GLIS3: variants seen among roughly 807,000 people sequenced by gnomAD.
GLIS3 encodes the protein zinc finger protein GLIS3.
GLIS3 carries 53 observed loss-of-function variants against 78.6 expected under a neutral mutation model. That is an observed-to-expected ratio of 0.67 (90% CI 0.54 to 0.85). The LOEUF (loss-of-function observed/expected upper bound fraction) is 0.85. Ranked by LOEUF, GLIS3 falls within the 40% of genes least tolerant of loss-of-function variation. GLIS3 has a pLI of 0.00. For synonymous variants in GLIS3, 684 were observed against 509.9 expected (o/e 1.34, Z -4.60); for missense variants, 1,703 against 1,231.1 (o/e 1.38, Z -5.74).
chr9:4,153,163 A>C (rs1413340321), intron 2 of GLIS3, among the ~76,000 whole-genome samples: 1 of 152,318 alleles, frequency 6.6e-6, no homozygotes, highest in African/African-American at 2.4e-5. Context: ...CAGAGAGAAA[A>C]CCACTGAATT....
chr9:4,385,813 AGAAAGAAAG>A, the GLIS3 span, among the ~76,000 whole-genome samples: 33 of 43,738 alleles, frequency 7.5e-4, 4 homozygotes, highest in Admixed American at 7.6e-4. Context: ...AAGAAAGAAA[AGAAAGAAAG>A]AGAAAAGAAA....
chr9:4,102,448 G>A (rs903196275), intron 4 of GLIS3, among the ~76,000 whole-genome samples: 2 of 152,174 alleles, frequency 1.3e-5, no homozygotes, highest in African/African-American at 4.8e-5. Context: ...GTCACTCAGT[G>A]TTTCTCAACC....
At chr9:4,025,668 G>T (rs959484087) in intron 4 of GLIS3, among the ~76,000 whole-genome samples, 2 of 152,162 alleles carry the variant, frequency 1.3e-5, no homozygotes, top group Non-Finnish European at 2.9e-5. Context: ...TTACAGGTGT[G>T]AGCCACTGTG....
intron 2 of GLIS3, among the ~76,000 whole-genome samples, chr9:4,225,727 T>C (rs1821712887): frequency 1.3e-5 from 2 of 152,328 alleles, no homozygotes; most frequent in South Asian, 2.1e-4. Context: ...GTCATTGACA[T>C]TGCTAATGTA....
intron 4 of GLIS3, among the ~76,000 whole-genome samples, chr9:4,020,442 T>C (rs1232217399): frequency 1.3e-5 from 2 of 152,190 alleles, no homozygotes; most frequent in Non-Finnish European, 2.9e-5. Flanking sequence ...CATTGAGTGC[T>C]TGCGTTTACA....
chr9:4,391,864 C>G, the GLIS3 span, among the ~76,000 whole-genome samples: 1 of 152,090 alleles, frequency 6.6e-6, no homozygotes, highest in Admixed American at 6.5e-5. Context: ...GACCTAGAAC[C>G]AGAAATACCA....
chr9:4,223,136 A>T (rs1428427307), intron 2 of GLIS3, among the ~76,000 whole-genome samples: 1 of 152,234 alleles, frequency 6.6e-6, no homozygotes, highest in Non-Finnish European at 1.5e-5. Flanking sequence ...AATCTGGTCC[A>T]AATTTTTCAT....
chr9:4,257,999 A>C (rs1422775826), intron 2 of GLIS3, among the ~76,000 whole-genome samples: 1 of 152,222 alleles, frequency 6.6e-6, no homozygotes, highest in African/African-American at 2.4e-5. Flanking sequence ...CTAATATTAT[A>C]TAAAAAACAC....
At chr9:4,046,453 T>A (rs1181362882) in intron 4 of GLIS3, among the ~76,000 whole-genome samples, 1 of 151,968 alleles carries the variant, frequency 6.6e-6, no homozygotes, top group African/African-American at 2.4e-5. Flanking sequence ...AACAACCCTA[T>A]AAGGAGGGGC....
At chr9:3,991,890 C>T (rs1820321773) in intron 4 of GLIS3, among the ~76,000 whole-genome samples, 1 of 151,958 alleles carries the variant, frequency 6.6e-6, no homozygotes, top group Non-Finnish European at 1.5e-5. Flanking sequence ...CGGGGTTTCA[C>T]CGTATTGGCC....
At chr9:4,241,981 G>A (rs1250883827) in intron 2 of GLIS3, among the ~76,000 whole-genome samples, 1 of 152,144 alleles carries the variant, frequency 6.6e-6, no homozygotes, top group Non-Finnish European at 1.5e-5. Flanking sequence ...ACCGTGCCTG[G>A]CCCCATAGCA....
At chr9:4,240,237 G>C (rs765186078) in intron 2 of GLIS3, among the ~76,000 whole-genome samples, 4 of 151,908 alleles carry the variant, frequency 2.6e-5, no homozygotes, top group Non-Finnish European at 5.9e-5. Flanking sequence ...TTCCACCTCA[G>C]ATCATCAGAC....
the GLIS3 span, among the ~76,000 whole-genome samples, chr9:4,374,543 C>T: frequency 6.6e-6 from 1 of 152,242 alleles, no homozygotes; most frequent in Non-Finnish European, 1.5e-5. Flanking sequence ...CCAGGCAAAG[C>T]TCACACATGG....
intron 2 of GLIS3, among the ~76,000 whole-genome samples, chr9:4,162,664 G>C (rs562306845): frequency 1.3e-5 from 2 of 151,826 alleles, no homozygotes; most frequent in Admixed American, 6.6e-5. Flanking sequence ...AGACCATCCT[G>C]GCTAACACGG....
At chr9:4,306,261 A>AGG (rs79608913) in intron 4 of GLIS3, among the ~76,000 whole-genome samples, 31 of 151,808 alleles carry the variant, frequency 2.0e-4, no homozygotes, top group East Asian at 1.8e-3. Context: ...TTGTAGAGGC[A>AGG]GGGGGGTCTC....
chr9:3,888,523 C>A (rs76303848), intron 7 of GLIS3, among the ~76,000 whole-genome samples: 1 of 152,218 alleles, frequency 6.6e-6, no homozygotes, highest in African/African-American at 2.4e-5. Flanking sequence ...TCTCAAAGAG[C>A]CTCTCCCTTT....
chr9:4,177,798 G>T (rs1322920585), intron 2 of GLIS3, among the ~76,000 whole-genome samples: 1 of 152,186 alleles, frequency 6.6e-6, no homozygotes, highest in Non-Finnish European at 1.5e-5. Flanking sequence ...AGTGCAGTTG[G>T]TGCCAACAAA....
At chr9:4,407,561 G>A in the GLIS3 span, among the ~76,000 whole-genome samples, 1 of 152,192 alleles carries the variant, frequency 6.6e-6, no homozygotes, top group African/African-American at 2.4e-5. Flanking sequence ...GCAGGAGAAT[G>A]GCGAGAACCC....
the GLIS3 span, among the ~76,000 whole-genome samples, chr9:4,401,795 C>A: frequency 6.6e-6 from 1 of 151,896 alleles, no homozygotes; most frequent in Non-Finnish European, 1.5e-5. Context: ...AGTATTTCAC[C>A]ATGTTGCCCA....
Sources: allele counts gnomAD v4.1 joint callset (sites outside exome capture counted in the v4.1 genomes callset), GRCh38; gene constraint gnomAD v4.1.1; transcripts MANE v1.5; gene names NCBI Gene and HGNC (gene_info 2026-07-23, HGNC 2026-07-21).